The following CYLC2 variants were observed in gnomAD, a reference collection of about 807,000 sequenced individuals.
The protein encoded by CYLC2 is cylicin 2.
A neutral mutation model predicts 26.1 loss-of-function variants in CYLC2; 30 were observed. That is an observed-to-expected ratio of 1.15 (90% CI 0.86 to 1.56). The LOEUF is 1.56. Ranked by LOEUF, CYLC2 falls within the 40% of genes most tolerant of loss-of-function variation. The pLI is 0.00. For missense variants in CYLC2, 498 were observed against 394.4 expected, an observed-to-expected ratio of 1.26 and a Z score of -2.23; for synonymous variants, 158 against 132.8, an observed-to-expected ratio of 1.19 and a Z score of -1.31.
intron 3 of CYLC2, among the ~76,000 whole-genome samples, chr9:103,004,240 G>A (rs1257225176): frequency 6.6e-6 from 1 of 152,010 alleles, no homozygotes; most frequent in Non-Finnish European, 1.5e-5. Flanking sequence ...CTTTAACCAT[G>A]AGTAGCATTC....
At chr9:103,016,616 T>C (rs576662004) in intron 6 of CYLC2, among the ~76,000 whole-genome samples, 9 of 152,096 alleles carry the variant, frequency 5.9e-5, no homozygotes, top group African/African-American at 1.7e-4. Context: ...GACCTATTAA[T>C]TTCAGGTTGT....
intron 3 of CYLC2, among the ~76,000 whole-genome samples, 180 bp downstream of exon 3, chr9:103,003,443 A>C (rs1215374778): frequency 2.0e-5 from 3 of 152,142 alleles, no homozygotes; most frequent in African/African-American, 7.2e-5. Flanking sequence ...AATGATGGGA[A>C]TATTTATCTC....
rs1347303013 is a variant in CYLC2 at position 103,005,852 on chromosome 9, A to G, written c.*174A>G. ...GAACTCAGCAGAGATTTATAAAAAT[A>G]TATAAGAAAGATGTTAAGAAAAATT... On this transcript the variant is annotated 3_prime_UTR_variant, in exon 5 of 8. Coordinates refer to ENST00000374798, the MANE Select transcript of CYLC2 (RefSeq NM_001340.5). The G allele has an allele frequency of 1.5e-6, 1 of 687,820 alleles. No individual in the cohort carries two copies. The allele number at this position is 687,820 out of a possible 1,614,324, so 42.6% of individuals were successfully genotyped here.
At chr9:103,010,815 G>A (rs1257887138) in intron 5 of CYLC2, 5 of 151,918 alleles carry the variant, frequency 3.3e-5, no homozygotes, top group Admixed American at 6.6e-5. Context: ...AGTAAGTATT[G>A]CACATTGCTT....
chr9:103,004,819 C>G lies in CYLC2; in HGVS notation c.305C>G (p.Thr102Ser). The change falls in exon 4 of 8, where the codon ACT (threonine) becomes AGT (serine). Residue 102 changes from threonine (T) to serine (S), a missense_variant. Physicochemically the swap from Thr to Ser is moderately conservative, Grantham distance 58. Transcript: ENST00000374798. ...LAARRQPLKP[T>S]RTVEVDSKAA... ...GCCAGGAGGCAGCCTCTCAAACCAA[C>G]TCGTACTGTCGAGGTGGATTCTAAA... The G allele has an allele frequency of 1.9e-6, 3 of 1,612,398 alleles. No homozygotes were observed. The highest frequency in any genetic ancestry group is 2.5e-6 in the Non-Finnish European group (3 of 1,179,566).
intron 1 of CYLC2, among the ~76,000 whole-genome samples, chr9:102,996,467 A>ATG (rs1829238520): frequency 2.6e-5 from 4 of 151,908 alleles, no homozygotes; most frequent in African/African-American, 9.7e-5. Context: ...GTGTTATTCT[A>ATG]GTGTAATCCC....
intron 1 of CYLC2, among the ~76,000 whole-genome samples, chr9:103,001,030 G>A (rs1320198013): frequency 6.6e-6 from 1 of 151,530 alleles, no homozygotes; most frequent in East Asian, 2.0e-4. Flanking sequence ...AATTTTTGTG[G>A]TCCACACTGA....
rs138296619 is a variant in CYLC2, at chr9:103,017,684, A to G, written c.*891-641A>G. Reference sequence around the variant, plus strand: ...AGTTGGTAACTTTTTCTTAGAATGTATGCATTAGGGGTAGACTGGTTTGCT... The same window carrying G: ...AGTTGGTAACTTTTTCTTAGAATGTGTGCATTAGGGGTAGACTGGTTTGCT... On this transcript the variant is annotated intron_variant, in intron 7 of 7. Transcript: ENST00000374798. Among the ~76,000 whole-genome samples the G allele has an allele frequency of 8.3e-3, 1,257 of 152,104 alleles. 14 individuals are homozygous for G. Among genetic ancestry groups the G allele is most frequent in the Middle Eastern group, 0.014 (4 of 294 alleles).
intron 1 of CYLC2, among the ~76,000 whole-genome samples, chr9:103,000,414 C>A (rs1006913967): frequency 6.6e-6 from 1 of 151,916 alleles, no homozygotes; most frequent in African/African-American, 2.4e-5. Context: ...TCTTCGAGAG[C>A]ATTTGGAATA....
At chr9:103,013,694 T>C (rs1829447205) in intron 6 of CYLC2, among the ~76,000 whole-genome samples, 1 of 110,410 alleles carries the variant, frequency 9.1e-6, no homozygotes, top group Non-Finnish European at 1.6e-5. Flanking sequence ...ATATAATATA[T>C]CCTGTACATT....
chr9:103,013,161 A>ATTATATAAATATATATTTAATATC (rs1338790953), intron 6 of CYLC2, among the ~76,000 whole-genome samples: 2 of 136,116 alleles, frequency 1.5e-5, no homozygotes, highest in African/African-American at 2.7e-5. Flanking sequence ...ATAAATATAT[A>ATTATATAAATATATATTTAATATC]TTATATAAAT....
intron 2 of CYLC2, among the ~76,000 whole-genome samples, chr9:103,001,844 G>A (rs890476290): frequency 3.3e-5 from 5 of 152,052 alleles, no homozygotes; most frequent in East Asian, 1.9e-4. Context: ...TATGAAAGCC[G>A]GAAATAGTTA....
chr9:103,010,051 A>G (rs1486135342), intron 5 of CYLC2, among the ~76,000 whole-genome samples: 3 of 151,948 alleles, frequency 2.0e-5, no homozygotes, highest in East Asian at 3.9e-4. Context: ...AAAATAACCC[A>G]TATCATTTTT....
chr9:103,014,574 T>A (rs146145780), intron 6 of CYLC2, among the ~76,000 whole-genome samples: 1 of 116,718 alleles, frequency 8.6e-6, no homozygotes, highest in East Asian at 2.7e-4. Flanking sequence ...ATGTATATTA[T>A]GCAGTATACA....
chr9:103,005,202 A>C lies in CYLC2; in HGVS notation c.571A>C (p.Lys191Gln). 6.2e-7 allele frequency: 1 copy of C among 1,607,898 alleles called. No homozygotes were observed. Among genetic ancestry groups the C allele is most frequent in the African/African-American group, 1.3e-5 (1 of 74,270 alleles). The change falls in exon 5 of 8, where the codon AAA becomes CAA. Residue 191 changes from lysine (K) to glutamine (Q), a missense_variant. Transcript: ENST00000374798. Reference protein sequence around the residue: ...EKGGAKKDNKKDKKDSNKGKD... With the variant: ...EKGGAKKDNKQDKKDSNKGKD... ...AGGAGGTGCAAAGAAAGATAACAAA[A>C]AAGATAAAAAGGATTCAAACAAAGG... is the stretch of plus-strand genomic sequence containing the variant.
chr9:102,999,617 TTCTATCAA>T (rs1829268759), intron 1 of CYLC2, among the ~76,000 whole-genome samples: 1 of 151,350 alleles, frequency 6.6e-6, no homozygotes, highest in Admixed American at 6.6e-5. Context: ...TCTAGATGTA[TTCTATCAA>T]TCTGTGGGCT....
intron 3 of CYLC2, 72 bp downstream of exon 3, chr9:103,003,335 T>A: frequency 7.8e-7 from 1 of 1,283,668 alleles, no homozygotes; most frequent in Non-Finnish European, 1.1e-6. Flanking sequence ...CCATAATAAG[T>A]AATTATAATT....
chr9:103,013,069 A>G (rs1235226664), intron 6 of CYLC2, among the ~76,000 whole-genome samples: 1 of 145,022 alleles, frequency 6.9e-6, no homozygotes, highest in Non-Finnish European at 1.5e-5. Context: ...CTAATTGTAT[A>G]TGTATAAATA....
At chr9:103,007,915 G>C (rs147448713) in intron 5 of CYLC2, among the ~76,000 whole-genome samples, 84 of 152,166 alleles carry the variant, frequency 5.5e-4, no homozygotes, top group African/African-American at 1.5e-3. Flanking sequence ...ACTACTAAGA[G>C]TCAGTGGTTA....
Sources: allele counts gnomAD v4.1 joint callset (sites outside exome capture counted in the v4.1 genomes callset), GRCh38; gene constraint gnomAD v4.1.1; transcripts MANE v1.5; gene names NCBI Gene and HGNC (gene_info 2026-07-23, HGNC 2026-07-21).